Variants in SLC35A2 observed in about 807,000 individuals in gnomAD.
SLC35A2 encodes UDP-galactose translocator.
SLC35A2 carries 1 observed loss-of-function variant against 17.3 expected under a neutral mutation model. That is an observed-to-expected ratio of 0.06 (90% CI 0.02 to 0.27). SLC35A2 has a LOEUF of 0.27. Ranked by LOEUF, SLC35A2 falls within the 10% of genes least tolerant of loss-of-function variation. The pLI is 1.00. For missense variants in SLC35A2, 191 were observed against 339.3 expected, an observed-to-expected ratio of 0.56 and a Z score of 3.43; for synonymous variants, 161 against 161.3, an observed-to-expected ratio of 1.00 and a Z score of 0.01.
At chrX:48,908,914 G>C (rs1265333969) in intron 2 of SLC35A2, among the ~76,000 whole-genome samples, 1 of 112,397 alleles carries the variant, frequency 8.9e-6, no homozygotes, top group Non-Finnish European at 1.9e-5. Flanking sequence ...AAAGTAGAAG[G>C]CCTTCAGGGA....
upstream of SLC35A2, chrX:48,911,944 A>G: frequency 8.6e-7 from 1 of 1,166,440 alleles, no homozygotes; most frequent in Non-Finnish European, 1.1e-6. Flanking sequence ...CGCGCTTTCC[A>G]GATCATCCCC....
intron 4 of SLC35A2, chrX:48,903,785 G>C: frequency 8.9e-6 from 8 of 893,986 alleles, no homozygotes; most frequent in Non-Finnish European, 8.3e-6. Flanking sequence ...CACACACCCC[G>C]CCCCGATACA....
chrX:48,911,611 G>T lies in SLC35A2; in HGVS notation c.26C>A (p.Ser9Tyr). Reference sequence around the variant, plus strand: ...CGCCCCTGGCCCGGGCGCCGCGGTGGAACCACCAGCCCCAACCGCTGCCAT... The same window carrying T: ...CGCCCCTGGCCCGGGCGCCGCGGTGTAACCACCAGCCCCAACCGCTGCCAT... MAAVGAGG[S>Y]TAAPGPGAVS... is the part of the protein sequence containing the mutation. The change falls in exon 1 of 5, where the codon TCC (serine) becomes TAC (tyrosine). Residue 9 changes from serine (S) to tyrosine (Y), a missense_variant. Ser to Tyr is a moderately radical substitution (Grantham distance 144, BLOSUM62 -2). Transcript: ENST00000247138. 8.6e-7 allele frequency: 1 copy of T among 1,164,241 alleles called. No homozygotes were observed.
chrX:48,905,726 T>G, intron 3 of SLC35A2: 1 of 347,199 alleles, frequency 2.9e-6, no homozygotes, highest in South Asian at 9.0e-5. Flanking sequence ...CCCAATCCCA[T>G]TTCCTGGCTG....
At chrX:48,907,526 T>A (rs2063499906) in intron 2 of SLC35A2, among the ~76,000 whole-genome samples, 1 of 111,683 alleles carries the variant, frequency 9.0e-6, no homozygotes, top group Non-Finnish European at 1.9e-5. Context: ...GGATTACAGG[T>A]GTAAGCCACC....
intron 1 of SLC35A2, among the ~76,000 whole-genome samples, chrX:48,911,073 T>C (rs2063529746): frequency 9.0e-6 from 1 of 110,564 alleles, no homozygotes; most frequent in Non-Finnish European, 1.9e-5. Flanking sequence ...AACGGTCTCC[T>C]CCGCACATAA....
At position 48,909,916 on chromosome X, in the gene SLC35A2, G is replaced by A. The variant is rs1171450247; in HGVS notation, c.172C>T (p.Arg58Cys). ...ASLILSIRYARTLPGDRFFAT... is the reference protein window; with the variant it reads ...ASLILSIRYACTLPGDRFFAT... ...AAGAAGCGGTCCCCTGGCAACGTGC[G>A]GGCGTAGCGGATGCTGAGGATGAGG... is the stretch of plus-strand genomic sequence containing the variant. Residue 58 changes from arginine (R) to cysteine (C), a missense_variant, in exon 2 of 5, where the codon CGC (arginine) becomes TGC (cysteine). Around this residue, in one of 2 missense-constraint regions of SLC35A2, gnomAD observed 164 missense variants for 315.3 expected, o/e 0.52. Transcript: ENST00000247138. 2 of 1,208,765 alleles carry A rather than the reference G, an allele frequency of 1.7e-6. No individual in the cohort carries two copies. Among genetic ancestry groups the A allele is most frequent in the South Asian group, 1.8e-5 (1 of 56,403 alleles).
chrX:48,904,310 C>G (rs1249504091), intron 4 of SLC35A2: 10 of 1,022,372 alleles, frequency 9.8e-6, no homozygotes, highest in Non-Finnish European at 1.2e-5. Context: ...ATCGGTCATT[C>G]CTGAAGAGCT....
chrX:48,908,589 G>T (rs2063509518), intron 2 of SLC35A2, among the ~76,000 whole-genome samples: 2 of 111,669 alleles, frequency 1.8e-5, no homozygotes, highest in South Asian at 3.7e-4. Context: ...GGAGAGAGGG[G>T]TGCTGAAATT....
At chrX:48,910,172 C>A in intron 1 of SLC35A2, 176 bp from the exon 2 acceptor site, 1 of 958,127 alleles carries the variant, frequency 1.0e-6, no homozygotes. Flanking sequence ...GGCTTACTGC[C>A]TCAGCCATGA....
In SLC35A2 at chrX:48,903,314, TG is replaced by T. The variant is rs1201051575; in HGVS notation, c.*123del. 2 of 609,927 alleles carry T rather than the reference TG, an allele frequency of 3.3e-6. No homozygotes were observed. Among genetic ancestry groups the T allele is most frequent in the African/African-American group, 4.4e-5 (2 of 45,301 alleles). 50.3% of individuals were successfully genotyped at this position (609,927 alleles called of 1,213,427 possible). ...ATGTTGGCCCTGGGTGGGGCAGGGG[TG>T]GTGGGGACAGGGAGTCCAGTGTCTA... On this transcript the variant is annotated 3_prime_UTR_variant, in exon 5 of 5. Coordinates refer to ENST00000247138, the MANE Select transcript of SLC35A2 (RefSeq NM_005660.3).
Position 48,903,336 on chromosome X carries a change from G to A in SLC35A2, c.*102C>T, listed in dbSNP as rs2063457126. ...GGGTGGTGGGGACAGGGAGTCCAGTGTCTACCTCACTCTACCCCTAATACT... is the reference window on the plus strand; with the variant it reads ...GGGTGGTGGGGACAGGGAGTCCAGTATCTACCTCACTCTACCCCTAATACT... On this transcript the variant is annotated 3_prime_UTR_variant, in exon 5 of 5. Transcript: ENST00000247138. The A allele has an allele frequency of 6.9e-6, 4 of 579,036 alleles. No homozygotes were observed. Among genetic ancestry groups the A allele is most frequent in the East Asian group, 6.7e-5 (2 of 29,847 alleles). 47.7% of individuals were successfully genotyped at this position (579,036 alleles called of 1,213,427 possible).
chrX:48,906,285 G>A (rs2063489348), intron 3 of SLC35A2, 107 bp downstream of exon 3: 1 of 726,924 alleles, frequency 1.4e-6, no homozygotes, highest in Non-Finnish European at 2.1e-6. Context: ...ACATTCTGAA[G>A]GTGACATAGC....
At chrX:48,911,721 A>C, upstream of SLC35A2, 1 of 1,154,211 alleles carries the variant, frequency 8.7e-7, no homozygotes, top group Non-Finnish European at 1.2e-6. Flanking sequence ...ACCTGAGTGA[A>C]GGTGGAGCGA....
At chrX:48,910,192 G>A in intron 1 of SLC35A2, 196 bp from the exon 2 acceptor site, 1 of 1,014,732 alleles carries the variant, frequency 9.9e-7, no homozygotes, top group Non-Finnish European at 1.3e-6. Flanking sequence ...AGCAGGAAGA[G>A]CCAGAAGGGA....
chrX:48,908,895 C>T (rs1474379185), intron 2 of SLC35A2, among the ~76,000 whole-genome samples: 1 of 112,236 alleles, frequency 8.9e-6, no homozygotes, highest in African/African-American at 3.2e-5. Context: ...AACAATTGGG[C>T]AACACTTCAA....
intron 2 of SLC35A2, among the ~76,000 whole-genome samples, chrX:48,907,284 C>CT (rs781928961): frequency 0.017 from 1,713 of 100,001 alleles, 36 homozygotes; most frequent in African/African-American, 0.054. Context: ...TTAGTCTAGA[C>CT]TTTTTTTTTT....
chrX:48,911,504 G>A (rs1557044035), intron 1 of SLC35A2, 42 bp downstream of exon 1: 2 of 1,155,642 alleles, frequency 1.7e-6, no homozygotes, highest in East Asian at 3.3e-5. Flanking sequence ...CAGCGATCCC[G>A]ACCTCCGCCT....
rs782017939 is a variant in SLC35A2, at chrX:48,904,712, C to T, written c.1163+34G>A. 2.3e-5 allele frequency: 28 copies of T among 1,209,750 alleles called. No homozygotes were observed. In the African/African-American group the frequency reaches 4.9e-4, roughly 21 times the overall value. On this transcript the variant is annotated intron_variant, in intron 4 of 4. Coordinates refer to ENST00000247138, the MANE Select transcript of SLC35A2 (RefSeq NM_005660.3). Reference sequence around the variant, plus strand: ...CCAGTCCCCCTCCCTTGTGTCCCCCCATTGCTGCCAGCCCTCACTTCACCA... The same window carrying T: ...CCAGTCCCCCTCCCTTGTGTCCCCCTATTGCTGCCAGCCCTCACTTCACCA...
Sources: allele counts gnomAD v4.1 joint callset (sites outside exome capture counted in the v4.1 genomes callset), GRCh38; gene constraint gnomAD v4.1.1; regional missense constraint gnomAD v4.1.1; transcripts MANE v1.5; gene names NCBI Gene and HGNC (gene_info 2026-07-23, HGNC 2026-07-21).